Variants in TENM1 observed in about 807,000 individuals in gnomAD.
The protein encoded by TENM1 is teneurin transmembrane protein 1.
A neutral mutation model predicts 174.8 loss-of-function variants in TENM1; 35 were observed. The observed-to-expected ratio is 0.20, with a 90% confidence interval of 0.15 to 0.27. The LOEUF is 0.27. Among genes scored for constraint, TENM1 ranks in the 10% least tolerant of loss-of-function variants. The probability of loss-of-function intolerance (pLI) is 1.00; values close to 1 mark genes in which losing one functional copy is unlikely to be tolerated. For missense variants in TENM1, 1,633 were observed against 2,130.1 expected (o/e 0.77, Z 4.59); for synonymous variants, 781 against 798.7 (o/e 0.98, Z 0.37).
At chrX:125,199,128 G>C in the TENM1 span, among the ~76,000 whole-genome samples, 2 of 110,381 alleles carry the variant, frequency 1.8e-5, no homozygotes, top group African/African-American at 3.3e-5. Flanking sequence ...TTTCTCTTTT[G>C]ACATGGATAT....
intron 3 of TENM1, among the ~76,000 whole-genome samples, chrX:124,810,073 A>C: frequency 9.0e-6 from 1 of 111,348 alleles, no homozygotes; most frequent in South Asian, 3.8e-4. Context: ...CCTCAACAGA[A>C]GAAAGACCAT....
intron 3 of TENM1, among the ~76,000 whole-genome samples, chrX:124,808,939 C>A (rs1036327103): frequency 9.0e-6 from 1 of 111,166 alleles, no homozygotes; most frequent in African/African-American, 3.3e-5. Context: ...AAAACAAGAA[C>A]AAACTAAGTC....
Position 124,406,295 on chromosome X carries a change from A to G in TENM1, c.5155+22T>C, listed in dbSNP as rs755722667. 7 of 1,177,597 alleles carry G rather than the reference A, an allele frequency of 5.9e-6. No individual in the cohort carries two copies. In the South Asian group the frequency reaches 9.3e-5, roughly 16 times the overall value. On this transcript the variant is annotated intron_variant, in intron 26 of 31. Coordinates refer to ENST00000422452, the Ensembl canonical transcript of TENM1. ...TTGACATAGGGGCTGTTACAGTCAG[A>G]TATCGTTGGAAACAATCTTACCTTG...
chrX:124,385,777 G>A (rs1306313452), exon 29 of TENM1: 1 of 1,209,348 alleles, frequency 8.3e-7, no homozygotes, highest in African/African-American at 1.7e-5. Context: ...TGACCTGAGT[G>A]GTATCATAGA....
exon 24 of TENM1, chrX:124,422,455 A>C (rs756822626): frequency 8.3e-7 from 1 of 1,211,139 alleles, no homozygotes; most frequent in Non-Finnish European, 1.1e-6. Context: ...TCTAGAGTGG[A>C]GTGAATTGCT....
intron 5 of TENM1, among the ~76,000 whole-genome samples, chrX:124,677,330 A>C (rs1486515849): frequency 1.8e-5 from 2 of 111,152 alleles, no homozygotes; most frequent in African/African-American, 3.3e-5. Context: ...CTGTCTCATC[A>C]TTATTAAGCA....
intron 16 of TENM1, among the ~76,000 whole-genome samples, chrX:124,529,435 G>A (rs1012588411): frequency 1.8e-5 from 2 of 111,574 alleles, no homozygotes; most frequent in African/African-American, 6.5e-5. Context: ...AGCCTAGGGA[G>A]GACACATTTT....
the TENM1 span, among the ~76,000 whole-genome samples, chrX:125,073,705 A>G: frequency 9.0e-6 from 1 of 111,241 alleles, no homozygotes; most frequent in African/African-American, 3.3e-5. Flanking sequence ...AGTGTGCAGG[A>G]GGCCCTAATG....
chrX:124,409,246 C>A (rs1400710501), intron 25 of TENM1, among the ~76,000 whole-genome samples: 1 of 111,510 alleles, frequency 9.0e-6, no homozygotes, highest in Non-Finnish European at 1.9e-5. Flanking sequence ...AATTGCCACA[C>A]TGACTTCCAC....
intron 3 of TENM1, among the ~76,000 whole-genome samples, chrX:124,814,587 T>C (rs1208619161): frequency 5.4e-5 from 6 of 111,114 alleles, no homozygotes; most frequent in Admixed American, 4.8e-4. Flanking sequence ...CCTAGATGCA[T>C]TGGTGTTGCT....
the TENM1 span, among the ~76,000 whole-genome samples, chrX:124,975,701 A>C: frequency 8.9e-6 from 1 of 111,844 alleles, no homozygotes. Flanking sequence ...AAAAGGAGCT[A>C]ATCAAATTAA....
intron 11 of TENM1, among the ~76,000 whole-genome samples, chrX:124,574,966 T>A (rs1256866935): frequency 8.9e-6 from 1 of 112,212 alleles, no homozygotes; most frequent in Non-Finnish European, 1.9e-5. Flanking sequence ...CAGTAGTAAA[T>A]ATTCTACTAG....
chrX:125,090,491 CAA>C, the TENM1 span, among the ~76,000 whole-genome samples: 197 of 81,030 alleles, frequency 2.4e-3, 1 homozygote, highest in African/African-American at 6.9e-3. Context: ...ACAAAATATA[CAA>C]AAAAAAAAAA....
At chrX:124,674,384 AAAG>A (rs1198310107) in intron 5 of TENM1, among the ~76,000 whole-genome samples, 28 of 107,413 alleles carry the variant, frequency 2.6e-4, no homozygotes, top group Non-Finnish European at 5.2e-4. Flanking sequence ...AGGTGAACTG[AAAG>A]GGGCTAATTA....
the TENM1 span, among the ~76,000 whole-genome samples, chrX:125,171,496 A>G: frequency 9.0e-6 from 1 of 110,644 alleles, no homozygotes; most frequent in Non-Finnish European, 1.9e-5. Context: ...CTAACACTCA[A>G]TGTGATAGTA....
the TENM1 span, among the ~76,000 whole-genome samples, chrX:125,105,284 C>T: frequency 9.0e-6 from 1 of 111,470 alleles, no homozygotes; most frequent in African/African-American, 3.3e-5. Context: ...TTTCTAAGGA[C>T]GCAAAGCCTT....
At chrX:124,622,314 T>G (rs898174900) in intron 11 of TENM1, among the ~76,000 whole-genome samples, 1 of 111,912 alleles carries the variant, frequency 8.9e-6, no homozygotes, top group African/African-American at 3.2e-5. Context: ...GAGAGACGCA[T>G]AGCCTGACCA....
At chrX:124,462,431 T>TGGGGGG (rs1217120404) in intron 22 of TENM1, among the ~76,000 whole-genome samples, 2 of 9,049 alleles carry the variant, frequency 2.2e-4, no homozygotes, top group African/African-American at 4.8e-4. Context: ...TGTGTGTGTG[T>TGGGGGG]GGGGGGGGTG....
intron 20 of TENM1, among the ~76,000 whole-genome samples, chrX:124,488,040 G>A (rs1200687723): frequency 8.9e-6 from 1 of 111,911 alleles, no homozygotes; most frequent in African/African-American, 3.2e-5. Context: ...AAGGGCAACT[G>A]GGGTAGGCAC....
Sources: allele counts gnomAD v4.1 joint callset (sites outside exome capture counted in the v4.1 genomes callset), GRCh38; gene constraint gnomAD v4.1.1; transcripts MANE v1.5; gene names NCBI Gene and HGNC (gene_info 2026-07-23, HGNC 2026-07-21).